Variants in HPCAL1 observed in about 807,000 individuals in gnomAD.
HPCAL1 encodes the protein hippocalcin like 1.
HPCAL1 carries 8 observed loss-of-function variants against 17.1 expected under a neutral mutation model. The ratio of observed to expected loss-of-function variants is 0.47; its 90% CI spans 0.27 to 0.84. The LOEUF (loss-of-function observed/expected upper bound fraction) is 0.84. Ranked by LOEUF, HPCAL1 falls within the 40% of genes least tolerant of loss-of-function variation. The probability of loss-of-function intolerance (pLI) is 0.13; values close to 1 mark genes in which losing one functional copy is unlikely to be tolerated. For synonymous variants in HPCAL1, 112 were observed against 111.4 expected, an observed-to-expected ratio of 1.01 and a Z score of -0.03; for missense variants, 165 against 271.1, an observed-to-expected ratio of 0.61 and a Z score of 2.75.
At chr2:10,341,995 A>G (rs1665119000) in intron 1 of HPCAL1, among the ~76,000 whole-genome samples, 1 of 151,456 alleles carries the variant, frequency 6.6e-6, no homozygotes, top group African/African-American at 2.4e-5. Flanking sequence ...GTCTCTAGAT[A>G]AAGTTTTTTT....
At chr2:10,412,491 C>T (rs1432063055) in intron 2 of HPCAL1, among the ~76,000 whole-genome samples, 1 of 152,170 alleles carries the variant, frequency 6.6e-6, no homozygotes, top group African/African-American at 2.4e-5. Context: ...CAGGAAAGGG[C>T]GTGTGCAGCA....
chr2:10,404,615 T>C (rs1669861677), intron 2 of HPCAL1, among the ~76,000 whole-genome samples: 1 of 152,246 alleles, frequency 6.6e-6, no homozygotes, highest in South Asian at 2.1e-4. Flanking sequence ...CTGCAGGCGC[T>C]GAGCAGCCCC....
rs913267704 is a variant in HPCAL1, at chr2:10,409,788, T to C, written c.-24-9946T>C. On this transcript the variant is annotated intron_variant, in intron 2 of 4. Transcript: ENST00000307845. ...TCCTGAGCCTCAGTCTTTTTTTTTTTTTTTTTTTTTTTTTTTTTTGAGACA... is the reference window on the plus strand; with the variant it reads ...TCCTGAGCCTCAGTCTTTTTTTTTTCTTTTTTTTTTTTTTTTTTTGAGACA... Among the ~76,000 whole-genome samples the C allele has an allele frequency of 2.8e-3, 289 of 101,620 alleles. 4 individuals are homozygous for C. Among genetic ancestry groups the C allele is most frequent in the African/African-American group, 8.6e-3 (270 of 31,294 alleles). The allele number at this position is 101,620 out of a possible 152,430, so 66.7% of individuals were successfully genotyped here. A position where few individuals can be genotyped will look rare whatever the true frequency, so the allele number is the denominator to read the frequency against.
intron 1 of HPCAL1, among the ~76,000 whole-genome samples, chr2:10,351,840 A>G (rs1665857900): frequency 6.6e-6 from 1 of 151,984 alleles, no homozygotes; most frequent in Admixed American, 6.5e-5. Context: ...AAAATTGATC[A>G]TGGTGATAAG....
At chr2:10,409,681 A>C (rs3771128) in intron 2 of HPCAL1, among the ~76,000 whole-genome samples, 39,405 of 151,536 alleles carry the variant, frequency 0.26, 5,346 homozygotes, top group South Asian at 0.42. Flanking sequence ...CCACCCCAGG[A>C]AGAACAAGCT....
At chr2:10,347,701 G>C (rs922930555) in intron 1 of HPCAL1, among the ~76,000 whole-genome samples, 2 of 152,174 alleles carry the variant, frequency 1.3e-5, no homozygotes, top group Non-Finnish European at 2.9e-5. Flanking sequence ...CTGTGTCTGC[G>C]GGGCGGGGTT....
chr2:10,348,600 CAAAA>C (rs56194796), intron 1 of HPCAL1, among the ~76,000 whole-genome samples: 25,004 of 144,332 alleles, frequency 0.17, 2,241 homozygotes, highest in Non-Finnish European at 0.18. Flanking sequence ...CCTGTCTCTA[CAAAA>C]AAAAAAAAAT....
intron 1 of HPCAL1, among the ~76,000 whole-genome samples, chr2:10,357,126 G>A (rs760332350): frequency 2.0e-5 from 3 of 152,058 alleles, no homozygotes; most frequent in Non-Finnish European, 4.4e-5. Context: ...AAAAAAAGAT[G>A]GTGATGCTGT....
chr2:10,412,390 C>G (rs1486582174), intron 2 of HPCAL1, among the ~76,000 whole-genome samples: 4 of 152,294 alleles, frequency 2.6e-5, no homozygotes, highest in East Asian at 1.9e-4. Context: ...GATGAGAAAG[C>G]CTGGTTGAGA....
rs551085284 is a variant in HPCAL1 at position 10,346,484 on chromosome 2, T to C, written c.-111+43307T>C. ...CTCTGTGGCTTTTTTCCTCTTTCAA[T>C]TGGGAGGCAGTTCTGTCTTAAAGAG... On this transcript the variant is annotated intron_variant, in intron 1 of 4. Coordinates refer to ENST00000307845, the MANE Select transcript of HPCAL1 (RefSeq NM_002149.4). Among the ~76,000 whole-genome samples, 5 of 152,262 alleles carry C rather than the reference T, an allele frequency of 3.3e-5. No homozygotes were observed. In the South Asian group the frequency reaches 6.2e-4, roughly 19 times the overall value.
intron 1 of HPCAL1, among the ~76,000 whole-genome samples, chr2:10,357,592 G>A (rs1376757118): frequency 6.6e-6 from 1 of 152,156 alleles, no homozygotes; most frequent in Non-Finnish European, 1.5e-5. Context: ...AATGCCTCCT[G>A]CATCTTTATT....
chr2:10,347,204 G>A (rs943153600), intron 1 of HPCAL1, among the ~76,000 whole-genome samples: 9 of 152,194 alleles, frequency 5.9e-5, no homozygotes, highest in Admixed American at 1.3e-4. Flanking sequence ...CCATACGGTG[G>A]GCGCCTGTTC....
At chr2:10,389,117 T>A (rs893448580) in intron 1 of HPCAL1, among the ~76,000 whole-genome samples, 1 of 152,168 alleles carries the variant, frequency 6.6e-6, no homozygotes, top group African/African-American at 2.4e-5. Flanking sequence ...CCCACCAGTG[T>A]GCATGTCAGT....
chr2:10,426,578 A>G, intron 4 of HPCAL1, 146 bp from the exon 5 acceptor site: 1 of 696,006 alleles, frequency 1.4e-6, no homozygotes, highest in Non-Finnish European at 2.6e-6. Flanking sequence ...TGTAAAGTGA[A>G]TGGAGACTAG....
chr2:10,368,165 T>C (rs1157531840), intron 1 of HPCAL1, among the ~76,000 whole-genome samples: 2 of 151,582 alleles, frequency 1.3e-5, no homozygotes, highest in Admixed American at 6.6e-5. Flanking sequence ...GGTGTGTGTG[T>C]GCATTGTGTG....
chr2:10,389,343 A>G (rs1668535717), intron 1 of HPCAL1, among the ~76,000 whole-genome samples: 1 of 152,216 alleles, frequency 6.6e-6, no homozygotes, highest in South Asian at 2.1e-4. Context: ...CGCAAGGAAC[A>G]GTCCCTCTGC....
chr2:10,407,322 AC>A (rs962018545), intron 2 of HPCAL1, among the ~76,000 whole-genome samples: 3 of 152,138 alleles, frequency 2.0e-5, no homozygotes, highest in African/African-American at 7.2e-5. Context: ...CTAACCCCTG[AC>A]CTTCCTCCAG....
intron 1 of HPCAL1, among the ~76,000 whole-genome samples, chr2:10,381,447 G>A (rs929380795): frequency 5.9e-5 from 9 of 152,190 alleles, no homozygotes; most frequent in African/African-American, 9.6e-5. Context: ...ACTGTAATGC[G>A]CACTGCGTGG....
Position 10,426,726 on chromosome 2 carries a change from A to T in HPCAL1, c.487A>T (p.Lys163Ter). The stretch of plus-strand genomic sequence containing the variant: ...CCATTGTCTCTGGTCCCCTGCAGGC[A>T]AACTGTCCTTGGAAGAATTCATCAG... ...FRQMDTNNDG[K>*]LSLEEFIRGA... The change falls in exon 5 of 5, where the codon AAA (lysine) becomes TAA (stop). Residue 163 changes from lysine to a stop codon, truncating the protein, a stop_gained and splice_region_variant. Transcript: ENST00000307845. LOFTEE classifies it high-confidence loss of function. The T allele has an allele frequency of 6.2e-7, 1 of 1,613,126 alleles. No individual in the cohort carries two copies.
Sources: allele counts gnomAD v4.1 joint callset (sites outside exome capture counted in the v4.1 genomes callset), GRCh38; gene constraint gnomAD v4.1.1; transcripts MANE v1.5; gene names NCBI Gene and HGNC (gene_info 2026-07-23, HGNC 2026-07-21).